PTAR1: variants seen among roughly 807,000 people sequenced by gnomAD.
The protein encoded by PTAR1 is protein prenyltransferase alpha subunit repeat containing 1.
In PTAR1, 17 loss-of-function variants were observed where a neutral mutation model predicts 45.5. The ratio of observed to expected loss-of-function variants is 0.37; its 90% CI spans 0.26 to 0.56. PTAR1 has a LOEUF of 0.56. Among genes scored for constraint, PTAR1 ranks in the 20% least tolerant of loss-of-function variants. PTAR1 has a pLI of 0.77. For synonymous variants in PTAR1, 169 were observed against 171.3 expected, an observed-to-expected ratio of 0.99 and a Z score of 0.11; for missense variants, 391 against 476.3, an observed-to-expected ratio of 0.82 and a Z score of 1.67.
At chr9:69,751,342 T>TGA (rs1554718863) in intron 1 of PTAR1, among the ~76,000 whole-genome samples, 2 of 143,802 alleles carry the variant, frequency 1.4e-5, no homozygotes, top group African/African-American at 5.1e-5. Flanking sequence ...ATAAGACTAG[T>TGA]AAAAAAAAAA....
rs891058615 is a variant in PTAR1 at position 69,710,637 on chromosome 9, T to C, written c.*7705A>G. 2.0e-5 allele frequency: 3 copies of C among 152,160 alleles called. No individual in the cohort carries two copies. The highest frequency in any genetic ancestry group is 7.2e-5 in the African/African-American group (3 of 41,456). The allele number at this position is 152,160 out of a possible 1,614,324, so 9.4% of individuals were successfully genotyped here. A position where few individuals can be genotyped will look rare whatever the true frequency, so the allele number is the denominator to read the frequency against. On this transcript the variant is annotated 3_prime_UTR_variant, in exon 8 of 8. Transcript: ENST00000340434. Reference sequence around the variant, plus strand: ...AAGGGTAAAAAGAATTCACAAAATATTGAATCCTTAACAAATGTCAATTAG... The same window carrying C: ...AAGGGTAAAAAGAATTCACAAAATACTGAATCCTTAACAAATGTCAATTAG...
chr9:69,749,756 A>G (rs1050671769), intron 2 of PTAR1, among the ~76,000 whole-genome samples: 1 of 152,100 alleles, frequency 6.6e-6, no homozygotes, highest in Non-Finnish European at 1.5e-5. Context: ...ACATTAGGCA[A>G]CACTCTTCTG....
At chr9:69,721,930 T>C (rs1029052190) in intron 6 of PTAR1, among the ~76,000 whole-genome samples, 4 of 152,214 alleles carry the variant, frequency 2.6e-5, no homozygotes, top group Non-Finnish European at 4.4e-5. Flanking sequence ...TTTATTGCTA[T>C]ATTCACTTTA....
At chr9:69,723,726 T>C (rs1825137698) in intron 5 of PTAR1, 96 bp from the exon 6 acceptor site, 6 of 948,754 alleles carry the variant, frequency 6.3e-6, no homozygotes, top group African/African-American at 1.6e-5. Flanking sequence ...TGTTCCTTTT[T>C]TGACAAGACC....
Position 69,715,770 on chromosome 9 carries a change from A to G in PTAR1, c.*2572T>C, listed in dbSNP as rs1054507381. The G allele has an allele frequency of 6.6e-6, 1 of 152,168 alleles. No homozygotes were observed. Among genetic ancestry groups the G allele is most frequent in the African/African-American group, 2.4e-5 (1 of 41,456 alleles). The allele number at this position is 152,168 out of a possible 1,614,324, so 9.4% of individuals were successfully genotyped here. A position where few individuals can be genotyped will look rare whatever the true frequency, so the allele number is the denominator to read the frequency against. On this transcript the variant is annotated 3_prime_UTR_variant, in exon 8 of 8. Transcript: ENST00000340434. ...TAAATATTAACCACTTAGGAAAAAA[A>G]CCAACCATATAGGGCAATATTAGGA...
intron 1 of PTAR1, chr9:69,757,697 T>C (rs1322266303): frequency 1.3e-5 from 2 of 151,640 alleles, no homozygotes; most frequent in Non-Finnish European, 2.9e-5. Context: ...TGTATAATAC[T>C]GAAAGTGTAA....
intron 1 of PTAR1, chr9:69,757,566 C>T (rs552907932): frequency 1.3e-4 from 20 of 152,312 alleles, no homozygotes; most frequent in East Asian, 7.7e-4. Flanking sequence ...ACCACTGCAT[C>T]CTCAACTCCT....
chr9:69,718,579 G>C lies in PTAR1; in HGVS notation c.983-11C>G, dbSNP rs374763149. 3 of 1,613,532 alleles carry C rather than the reference G, an allele frequency of 1.9e-6. No individual in the cohort carries two copies. In the African/African-American group the frequency reaches 4.0e-5, roughly 22 times the overall value. ...ACAGCTGGGAGCCTGCTGGGATAAGGTGCAAGTCACTCAAAGTCCCCCCAG... is the reference window on the plus strand; with the variant it reads ...ACAGCTGGGAGCCTGCTGGGATAAGCTGCAAGTCACTCAAAGTCCCCCCAG... On this transcript the variant is annotated splice_polypyrimidine_tract_variant and intron_variant, in intron 7 of 7. Transcript: ENST00000340434.
intron 1 of PTAR1, 134 bp downstream of exon 1, chr9:69,759,719 G>T: frequency 2.4e-6 from 2 of 846,362 alleles, no homozygotes; most frequent in African/African-American, 1.8e-5. Context: ...GCCCGACACG[G>T]CTCTGCCTCC....
At chr9:69,739,022 G>A (rs1030916883) in intron 3 of PTAR1, among the ~76,000 whole-genome samples, 1 of 152,000 alleles carries the variant, frequency 6.6e-6, no homozygotes, top group African/African-American at 2.4e-5. Flanking sequence ...TGGCCAGGAT[G>A]GTCTTGATCT....
rs1473264154 is a variant in PTAR1 at position 69,716,381 on chromosome 9, A to AT, written c.*1960dup. 2 of 152,216 alleles carry AT rather than the reference A, an allele frequency of 1.3e-5. No homozygotes were observed. Among genetic ancestry groups the AT allele is most frequent in the African/African-American group, 4.8e-5 (2 of 41,538 alleles). 9.4% of individuals were successfully genotyped at this position (152,216 alleles called of 1,614,324 possible). A position where few individuals can be genotyped will look rare whatever the true frequency, so the allele number is the denominator to read the frequency against. Reference sequence around the variant, plus strand: ...GCCATGGAATTATGTTCATAATGGTATTTTTTCATCTAAATAATATAAAAG... The same window carrying AT: ...GCCATGGAATTATGTTCATAATGGTATTTTTTTCATCTAAATAATATAAAAG... On this transcript the variant is annotated 3_prime_UTR_variant, in exon 8 of 8. Coordinates refer to ENST00000340434, the MANE Select transcript of PTAR1 (RefSeq NM_001099666.2).
chr9:69,751,004 A>G, intron 1 of PTAR1, 54 bp from the exon 2 acceptor site: 1 of 1,240,502 alleles, frequency 8.1e-7, no homozygotes, highest in Non-Finnish European at 1.1e-6. Flanking sequence ...AACCTTTTCA[A>G]CATTTTTCTA....
chr9:69,718,449 C>T lies in PTAR1; in HGVS notation c.1102G>A (p.Glu368Lys). 1 of 1,613,732 alleles carries T rather than the reference C, an allele frequency of 6.2e-7. No individual in the cohort carries two copies. The highest frequency in any genetic ancestry group is 8.5e-7 in the Non-Finnish European group (1 of 1,179,712). Residue 368 changes from glutamate (E) to lysine (K), a missense_variant, in exon 8 of 8, where the codon GAA becomes AAA. By Grantham distance (56) the Glu-to-Lys change is moderately conservative (BLOSUM62 1). Around this residue, in one of 5 missense-constraint regions of PTAR1, gnomAD observed 181 missense variants for 227.7 expected, o/e 0.80. Transcript: ENST00000340434. ...TGATCAATGAACCTGTGCTCCATTT[C>T]TAGGCCTAGGGAGTCTGGAACTGGC... ...RTPVPDSLGL[E>K]MEHRFIDQVL...
Position 69,717,173 on chromosome 9 carries a change from C to G in PTAR1, c.*1169G>C, listed in dbSNP as rs544349433. 3.9e-5 allele frequency: 6 copies of G among 152,252 alleles called. No individual in the cohort carries two copies. The highest frequency in any genetic ancestry group is 8.8e-5 in the Non-Finnish European group (6 of 68,016). The allele number at this position is 152,252 out of a possible 1,614,324, so 9.4% of individuals were successfully genotyped here. On this transcript the variant is annotated 3_prime_UTR_variant, in exon 8 of 8. Transcript: ENST00000340434. ...ATACTATTCCTTCCCTTGGCATTTGCCAGTAAACTTTAACAGTCACTTCAT... is the reference window on the plus strand; with the variant it reads ...ATACTATTCCTTCCCTTGGCATTTGGCAGTAAACTTTAACAGTCACTTCAT...
intron 2 of PTAR1, among the ~76,000 whole-genome samples, chr9:69,746,397 C>G (rs1205292174): frequency 1.3e-5 from 2 of 152,224 alleles, no homozygotes; most frequent in African/African-American, 4.8e-5. Context: ...TCCTGCAAAG[C>G]AGATGCTCTT....
intron 1 of PTAR1, chr9:69,757,462 T>C (rs1290194989): frequency 1.3e-5 from 2 of 152,164 alleles, no homozygotes; most frequent in Non-Finnish European, 2.9e-5. Context: ...TGTGAGGTGA[T>C]TTTCCTGTTT....
At chr9:69,752,435 T>A (rs1191383947) in intron 1 of PTAR1, among the ~76,000 whole-genome samples, 1 of 152,082 alleles carries the variant, frequency 6.6e-6, no homozygotes, top group East Asian at 1.9e-4. Flanking sequence ...ATAAAAAGGA[T>A]ATCTTAGGGG....
chr9:69,756,680 T>C (rs1255450768), intron 1 of PTAR1, among the ~76,000 whole-genome samples: 1 of 152,176 alleles, frequency 6.6e-6, no homozygotes, highest in Middle Eastern at 3.2e-3. Flanking sequence ...CTTTAATACT[T>C]GGCTTAAAAC....
At chr9:69,740,459 G>A (rs1825992821) in intron 3 of PTAR1, among the ~76,000 whole-genome samples, 1 of 151,978 alleles carries the variant, frequency 6.6e-6, no homozygotes, top group African/African-American at 2.4e-5. Context: ...TGCTAGGCTA[G>A]TGAGAATTTT....
Sources: allele counts gnomAD v4.1 joint callset (sites outside exome capture counted in the v4.1 genomes callset), GRCh38; gene constraint gnomAD v4.1.1; regional missense constraint gnomAD v4.1.1; transcripts MANE v1.5; gene names NCBI Gene and HGNC (gene_info 2026-07-23, HGNC 2026-07-21).